AGAP3: variants seen among roughly 807,000 people sequenced by gnomAD.
AGAP3 encodes ArfGAP with GTPase domain, ankyrin repeat and PH domain 3, also known as arf-GAP with GTPase, ANK repeat and PH domain-containing protein 3.
In AGAP3, 24 loss-of-function variants were observed where a neutral mutation model predicts 96.9. That is an observed-to-expected ratio of 0.25 (90% confidence interval 0.18 to 0.35). AGAP3 has a LOEUF of 0.35. Ranked by LOEUF, AGAP3 falls within the 10% of genes least tolerant of loss-of-function variation. AGAP3 has a pLI of 1.00. For missense variants in AGAP3, 876 were observed against 1,254.2 expected (o/e 0.70, Z 4.55); for synonymous variants, 563 against 536.1 (o/e 1.05, Z -0.69).
chr7:151,124,155 G>A (rs1474670041), intron 9 of AGAP3, among the ~76,000 whole-genome samples: 1 of 152,202 alleles, frequency 6.6e-6, no homozygotes, highest in Non-Finnish European at 1.5e-5. Flanking sequence ...TCAGCCAGGC[G>A]CTCAGCCTGT....
At position 151,139,737 on chromosome 7, in the gene AGAP3, CCTCCATCCTGCT is replaced by C. The variant is rs955411193; in HGVS notation, c.1667-239_1667-228del. ...CTGCAGAGGCAGCTTCCTCCCTTTG[CCTCCATCCTGCT>C]CTGCCTAAGTTTCCTATTCTCTTTC... On this transcript the variant is annotated intron_variant, in intron 12 of 17. Transcript: ENST00000397238. The surrounding 1 kb of genome is among the most constrained non-coding windows in gnomAD (Gnocchi z 4.9). 5.7e-6 allele frequency: 2 copies of C among 352,806 alleles called. No individual in the cohort carries two copies. The highest frequency in any genetic ancestry group is 4.2e-5 in the African/African-American group (2 of 47,438). 21.9% of individuals were successfully genotyped at this position (352,806 alleles called of 1,614,324 possible).
intron 9 of AGAP3, 134 bp downstream of exon 9, chr7:151,124,020 G>A: frequency 1.1e-6 from 1 of 913,486 alleles, no homozygotes; most frequent in South Asian, 1.6e-5. Flanking sequence ...CCTAGGCGGA[G>A]TCCTTAACAA....
chr7:151,120,740 T>G, intron 8 of AGAP3: 19 of 1,207,132 alleles, frequency 1.6e-5, no homozygotes, highest in Non-Finnish European at 2.0e-5. Flanking sequence ...CGTTCCTCCC[T>G]CTCAGGTTTG....
chr7:151,095,907 T>C (rs1343936133), intron 1 of AGAP3, among the ~76,000 whole-genome samples: 1 of 151,878 alleles, frequency 6.6e-6, no homozygotes, highest in Non-Finnish European at 1.5e-5. Context: ...ATTTCTTCTC[T>C]CAGGGCCTGA....
At chr7:151,101,888 G>C (rs937863755) in intron 1 of AGAP3, among the ~76,000 whole-genome samples, 1 of 152,168 alleles carries the variant, frequency 6.6e-6, no homozygotes, top group African/African-American at 2.4e-5. Flanking sequence ...AAGGTGGGCC[G>C]GTGCGCCTGG....
rs1026091120 is a variant in AGAP3, at chr7:151,114,998, G to A, written c.332-1795G>A. ...CGCCCACCGGCGCCCGCGGCCTTTT[G>A]CTCGGCCTCCTGCGCCCGCGCCTCG... On this transcript the variant is annotated intron_variant, in intron 1 of 17. Transcript: ENST00000397238. The surrounding 1 kb of genome is among the most constrained non-coding windows in gnomAD (Gnocchi z 4.4). 6 of 987,254 alleles carry A rather than the reference G, an allele frequency of 6.1e-6. No homozygotes were observed. Among genetic ancestry groups the A allele is most frequent in the Non-Finnish European group, 6.0e-6 (5 of 833,722 alleles). The allele number at this position is 987,254 out of a possible 1,614,324, so 61.2% of individuals were successfully genotyped here.
chr7:151,141,499 C>A lies in AGAP3; in HGVS notation c.1805-399C>A. 4.3e-6 allele frequency: 1 copy of A among 232,612 alleles called. No individual in the cohort carries two copies. Among genetic ancestry groups the A allele is most frequent in the East Asian group, 1.2e-4 (1 of 8,682 alleles). 14.4% of individuals were successfully genotyped at this position (232,612 alleles called of 1,614,324 possible). ...TGCAGCTGACATGTACGGATGGTGC[C>A]CACACCCGCCTTCCCCCACCCTCTC... On this transcript the variant is annotated intron_variant, in intron 13 of 17. Transcript: ENST00000397238. This position sits in a 1 kb window ranked among gnomAD's most constrained non-coding sequence, Gnocchi z 4.2.
At chr7:151,112,867 G>A (rs543642260) in intron 1 of AGAP3, among the ~76,000 whole-genome samples, 16 of 152,044 alleles carry the variant, frequency 1.1e-4, no homozygotes, top group Non-Finnish European at 2.1e-4. Context: ...CTCCCAAAGC[G>A]CTGGGATTAC....
chr7:151,096,895 C>G lies in AGAP3; in HGVS notation c.331+9823C>G, dbSNP rs1798626776. On this transcript the variant is annotated intron_variant, in intron 1 of 17. Coordinates refer to ENST00000397238, the MANE Select transcript of AGAP3 (RefSeq NM_031946.7). The surrounding 1 kb of genome is among the most constrained non-coding windows in gnomAD (Gnocchi z 4.4). The stretch of plus-strand genomic sequence containing the variant: ...CCGAGTTCAAGCAATTCTCGTGCCT[C>G]AGCCTCCCAAGGCACATGCCTTGGG... 6.6e-6 allele frequency among the ~76,000 whole-genome samples: 1 copy of G among 152,138 alleles called. No individual in the cohort carries two copies. The highest frequency in any genetic ancestry group is 2.4e-5 in the African/African-American group (1 of 41,424).
In AGAP3 at chr7:151,114,889, C is replaced by A; in HGVS notation, c.332-1904C>A. ...CACGGCGCCTCGGCCGGCCGCGCTG[C>A]CGCCGCCCTGCAGGCCGCCCTCTGC... On this transcript the variant is annotated intron_variant, in intron 1 of 17. Transcript: ENST00000397238. The surrounding 1 kb of genome is among the most constrained non-coding windows in gnomAD (Gnocchi z 4.4). 2 of 1,003,534 alleles carry A rather than the reference C, an allele frequency of 2.0e-6. No individual in the cohort carries two copies. The highest frequency in any genetic ancestry group is 4.3e-5 in the South Asian group (1 of 23,060). The allele number at this position is 1,003,534 out of a possible 1,614,324, so 62.2% of individuals were successfully genotyped here. A position where few individuals can be genotyped will look rare whatever the true frequency, so the allele number is the denominator to read the frequency against.
chr7:151,136,028 G>A (rs1800579226), intron 11 of AGAP3, among the ~76,000 whole-genome samples: 2 of 152,218 alleles, frequency 1.3e-5, no homozygotes, highest in African/African-American at 2.4e-5. Context: ...TGCCAGTGGG[G>A]GACCTTGAGC....
At chr7:151,097,995 G>A (rs1474896739) in intron 1 of AGAP3, among the ~76,000 whole-genome samples, 1 of 152,164 alleles carries the variant, frequency 6.6e-6, no homozygotes, top group Non-Finnish European at 1.5e-5. Context: ...GGCCATGTTT[G>A]CAGTGCCCCC....
At chr7:151,109,006 T>C (rs1383696998) in intron 1 of AGAP3, among the ~76,000 whole-genome samples, 1 of 151,990 alleles carries the variant, frequency 6.6e-6, no homozygotes, top group Admixed American at 6.6e-5. Flanking sequence ...TAATAAACCA[T>C]TGTAAACAGG....
intron 1 of AGAP3, among the ~76,000 whole-genome samples, chr7:151,115,992 G>C (rs1799561723): frequency 6.6e-6 from 1 of 152,216 alleles, no homozygotes; most frequent in Non-Finnish European, 1.5e-5. Context: ...CGTCATAACT[G>C]CTCTTTGACA....
chr7:151,115,032 G>A, intron 1 of AGAP3: 1 of 994,640 alleles, frequency 1.0e-6, no homozygotes, highest in South Asian at 4.3e-5. Context: ...CGGCCGCCGG[G>A]GCCTGGCGCC....
In AGAP3 at chr7:151,117,415, C is replaced by T. The variant is rs1167633178; in HGVS notation, c.523C>T (p.Leu175=). 20 of 1,614,208 alleles carry T rather than the reference C, an allele frequency of 1.2e-5. No homozygotes were observed. Among genetic ancestry groups the T allele is most frequent in the Non-Finnish European group, 1.5e-5 (18 of 1,180,028 alleles). ...GATTGTGGTGGATGGCCAGAGTTAC[C>T]TGCTGCTGATCCGAGATGAAGGAGG... ...KEIVVDGQSY[L]LLIRDEGGPP... is the part of the protein sequence containing the mutation. The change falls in exon 4 of 18, where the codon CTG becomes TTG. Residue 175 remains leucine (L), a synonymous_variant. Coordinates refer to ENST00000397238, the MANE Select transcript of AGAP3 (RefSeq NM_031946.7).
chr7:151,138,367 G>A, intron 12 of AGAP3, 54 bp downstream of exon 12: 3 of 1,542,352 alleles, frequency 1.9e-6, no homozygotes, highest in Non-Finnish European at 1.8e-6. Context: ...GTGACAGAGA[G>A]GAGGGGAACT....
At position 151,140,070 on chromosome 7, in the gene AGAP3, G is replaced by A. The variant is rs762319730; in HGVS notation, c.1758G>A (p.Lys586=). 1.9e-6 allele frequency: 3 copies of A among 1,606,248 alleles called. No individual in the cohort carries two copies. In the South Asian group the frequency reaches 3.4e-5, roughly 18 times the overall value. ...ACCGGAAGAAGCACCGGAGGAAAAA[G>A]AGCACCGGGACCCCCCGACCAGACG... is the stretch of plus-strand genomic sequence containing the variant. ...HSNRKKHRRK[K]STGTPRPDGP... The change falls in exon 13 of 18, where the codon AAG becomes AAA. Residue 586 remains lysine (K), a synonymous_variant. Coordinates refer to ENST00000397238, the MANE Select transcript of AGAP3 (RefSeq NM_031946.7). The surrounding 1 kb of genome is among the most constrained non-coding windows in gnomAD (Gnocchi z 5.4).
chr7:151,126,714 A>G (rs953392206), intron 9 of AGAP3, among the ~76,000 whole-genome samples: 1 of 152,192 alleles, frequency 6.6e-6, no homozygotes, highest in African/African-American at 2.4e-5. Flanking sequence ...CTGGCCAGTG[A>G]CAGGAATACC....
Sources: allele counts gnomAD v4.1 joint callset (sites outside exome capture counted in the v4.1 genomes callset), GRCh38; gene constraint gnomAD v4.1.1; non-coding constraint Gnocchi (gnomAD v3.1); transcripts MANE v1.5; gene names NCBI Gene and HGNC (gene_info 2026-07-23, HGNC 2026-07-21).